Variants in MAF observed in about 807,000 individuals in gnomAD.
MAF encodes MAF bZIP transcription factor.
Under a neutral mutation model 22.0 loss-of-function variants are expected in MAF, and 10 were observed. The observed-to-expected ratio is 0.45, with a 90% CI of 0.28 to 0.77. The LOEUF is 0.77. Ranked by LOEUF, MAF falls within the 30% of genes least tolerant of loss-of-function variation. The probability of loss-of-function intolerance (pLI) is 0.12; values close to 1 mark genes in which losing one functional copy is unlikely to be tolerated. For synonymous variants in MAF, 337 were observed against 255.8 expected (o/e 1.32, Z -3.03); for missense variants, 544 against 548.4 (o/e 0.99, Z 0.08).
the MAF span, among the ~76,000 whole-genome samples, chr16:79,380,743 G>C: frequency 1.3e-5 from 2 of 152,350 alleles, no homozygotes; most frequent in South Asian, 4.1e-4. Context: ...TGAGGCCATA[G>C]AGCTAGTATA....
the MAF span, among the ~76,000 whole-genome samples, chr16:79,506,968 C>T: frequency 2.6e-5 from 4 of 152,166 alleles, no homozygotes; most frequent in African/African-American, 9.7e-5. Flanking sequence ...GTACTTTGTG[C>T]TCATTCCTTC....
the MAF span, among the ~76,000 whole-genome samples, chr16:79,487,572 A>G: frequency 6.6e-6 from 1 of 152,228 alleles, no homozygotes. Flanking sequence ...AAGAACAGGA[A>G]GAAAAAGCCC....
chr16:79,405,025 A>G, the MAF span, among the ~76,000 whole-genome samples: 1 of 152,156 alleles, frequency 6.6e-6, no homozygotes, highest in Admixed American at 6.5e-5. Flanking sequence ...GTACTGGAAG[A>G]TTAGATGGTG....
chr16:79,212,082 C>T, the MAF span: 3 of 1,536,232 alleles, frequency 2.0e-6, no homozygotes, highest in Non-Finnish European at 2.6e-6. Context: ...TTCCGTATCT[C>T]CCTGGAGAAG....
rs1449526283 is a variant in MAF, at chr16:79,599,953, G to A, written c.-51C>T. On this transcript the variant is annotated 5_prime_UTR_variant, in exon 1 of 2. Transcript: ENST00000326043. ...CCGCCGCTCCGCCAGATGGGCTGCA[G>A]GAGAGGGGCCAGCGGGCTGTGCTGG... is the stretch of plus-strand genomic sequence containing the variant. The A allele has an allele frequency of 6.3e-7, 1 of 1,597,158 alleles. No individual in the cohort carries two copies.
the MAF span, among the ~76,000 whole-genome samples, chr16:79,207,788 CTTTT>C: frequency 2.7e-5 from 4 of 150,702 alleles, no homozygotes; most frequent in Admixed American, 2.6e-4. Flanking sequence ...TATGTGGGTG[CTTTT>C]TTTTTCTTTA....
the MAF span, among the ~76,000 whole-genome samples, chr16:79,215,394 G>A: frequency 2.2e-4 from 34 of 152,316 alleles, no homozygotes; most frequent in African/African-American, 7.7e-4. Context: ...GCTGATCAGA[G>A]AGGTGACTTT....
At chr16:79,399,055 T>G in the MAF span, among the ~76,000 whole-genome samples, 1 of 152,184 alleles carries the variant, frequency 6.6e-6, no homozygotes, top group Non-Finnish European at 1.5e-5. Context: ...CAATAGGCAC[T>G]CAGTAGACAG....
At chr16:79,598,416 T>A in intron 1 of MAF, 1 of 1,199,984 alleles carries the variant, frequency 8.3e-7, no homozygotes, top group Non-Finnish European at 1.0e-6. Context: ...GCTGAGATCA[T>A]TGAACATTGT....
chr16:79,523,803 C>T, the MAF span, among the ~76,000 whole-genome samples: 4 of 152,168 alleles, frequency 2.6e-5, no homozygotes, highest in South Asian at 4.1e-4. Flanking sequence ...CATCGTTATC[C>T]AGCAAAGCCT....
chr16:79,580,472 A>C, the MAF span, among the ~76,000 whole-genome samples: 1 of 152,328 alleles, frequency 6.6e-6, no homozygotes, highest in African/African-American at 2.4e-5. Flanking sequence ...GAAGTTCTGG[A>C]AGTTCTGATT....
the MAF span, among the ~76,000 whole-genome samples, chr16:79,404,320 C>A: frequency 6.6e-6 from 1 of 152,036 alleles, no homozygotes; most frequent in South Asian, 2.1e-4. Flanking sequence ...CCCACCACCA[C>A]ACCGTGCTAA....
chr16:79,396,851 T>G, the MAF span, among the ~76,000 whole-genome samples: 4 of 152,212 alleles, frequency 2.6e-5, no homozygotes, highest in African/African-American at 4.8e-5. Context: ...TAGGAAACAC[T>G]GGCATAAAGT....
the MAF span, among the ~76,000 whole-genome samples, chr16:79,543,946 A>G: frequency 6.6e-6 from 1 of 151,528 alleles, no homozygotes; most frequent in Non-Finnish European, 1.5e-5. Flanking sequence ...TCGGCCTCCC[A>G]AAGTGCAGGG....
At chr16:79,232,900 G>C in the MAF span, among the ~76,000 whole-genome samples, 1 of 148,472 alleles carries the variant, frequency 6.7e-6, no homozygotes, top group Non-Finnish European at 1.5e-5. Context: ...GAGTGCAGTG[G>C]CACCATCTTG....
the MAF span, among the ~76,000 whole-genome samples, chr16:79,312,141 C>CATT: frequency 9.9e-5 from 15 of 152,140 alleles, no homozygotes; most frequent in Middle Eastern, 3.4e-3. Flanking sequence ...TCATCATCAT[C>CATT]ATTACAAAAG....
the MAF span, among the ~76,000 whole-genome samples, chr16:79,398,303 G>C: frequency 1.1e-4 from 16 of 152,206 alleles, no homozygotes; most frequent in Admixed American, 2.0e-4. Flanking sequence ...ACTGATTAGT[G>C]ACGTTAATGC....
At chr16:79,341,780 T>C in the MAF span, among the ~76,000 whole-genome samples, 2 of 152,264 alleles carry the variant, frequency 1.3e-5, no homozygotes, top group African/African-American at 2.4e-5. Context: ...GTGGCAGTCA[T>C]AAAGCCAAGA....
At chr16:79,500,879 G>C in the MAF span, among the ~76,000 whole-genome samples, 1 of 152,120 alleles carries the variant, frequency 6.6e-6, no homozygotes, top group East Asian at 1.9e-4. Flanking sequence ...AATCTTGACT[G>C]CTGACTCAAA....
Sources: gnomAD v4.1 joint callset for allele counts (sites outside exome capture counted in the v4.1 genomes callset) on GRCh38, gnomAD v4.1.1 for gene constraint, MANE v1.5 for transcripts, NCBI Gene and HGNC (gene_info 2026-07-23, HGNC 2026-07-21) for gene names.